Variants in GLIS3 observed in about 807,000 individuals in gnomAD.
The protein encoded by GLIS3 is GLIS family zinc finger 3.
A neutral mutation model predicts 78.6 loss-of-function variants in GLIS3; 53 were observed. The observed-to-expected ratio is 0.67, with a 90% CI of 0.54 to 0.85. The LOEUF (loss-of-function observed/expected upper bound fraction) is 0.85. Among genes scored for constraint, GLIS3 ranks in the 40% least tolerant of loss-of-function variants. The pLI is 0.00. For synonymous variants in GLIS3, 684 were observed against 509.9 expected, an observed-to-expected ratio of 1.34 and a Z score of -4.60; for missense variants, 1,703 against 1,231.1, an observed-to-expected ratio of 1.38 and a Z score of -5.74.
chr9:4,084,221 A>G (rs2130714543), intron 4 of GLIS3, among the ~76,000 whole-genome samples: 1 of 147,730 alleles, frequency 6.8e-6, no homozygotes, highest in South Asian at 2.1e-4. Flanking sequence ...TGATGCCAGC[A>G]ATGTGTAATC....
chr9:4,149,384 C>A (rs1834492040), intron 2 of GLIS3, among the ~76,000 whole-genome samples: 3 of 152,196 alleles, frequency 2.0e-5, no homozygotes, highest in Non-Finnish European at 4.4e-5. Context: ...AAAAAACACA[C>A]ACAGATGGCT....
intron 2 of GLIS3, among the ~76,000 whole-genome samples, chr9:4,269,491 T>C (rs1826313313): frequency 6.6e-6 from 1 of 152,244 alleles, no homozygotes; most frequent in African/African-American, 2.4e-5. Context: ...ATATCAGTTA[T>C]ATCGCTGAAA....
intron 4 of GLIS3, among the ~76,000 whole-genome samples, chr9:4,046,023 G>A (rs977597175): frequency 5.3e-5 from 8 of 152,300 alleles, no homozygotes; most frequent in Middle Eastern, 3.4e-3. Flanking sequence ...CCAGGAGGCA[G>A]CAAATTTTAA....
intron 2 of GLIS3, among the ~76,000 whole-genome samples, chr9:4,317,303 C>A (rs957828009): frequency 6.6e-6 from 1 of 152,212 alleles, no homozygotes; most frequent in Non-Finnish European, 1.5e-5. Context: ...CATGCACTGG[C>A]TTCTCAGTGA....
chr9:3,867,107 T>C (rs1358009176), intron 8 of GLIS3, among the ~76,000 whole-genome samples: 1 of 152,208 alleles, frequency 6.6e-6, no homozygotes, highest in African/African-American at 2.4e-5. Flanking sequence ...TTTTTAACAG[T>C]AAGTTGAAGA....
chr9:4,423,998 T>C, the GLIS3 span, among the ~76,000 whole-genome samples: 1 of 152,244 alleles, frequency 6.6e-6, no homozygotes, highest in African/African-American at 2.4e-5. Flanking sequence ...CTATCACACT[T>C]AACTTGAATG....
chr9:4,390,071 C>G, the GLIS3 span, among the ~76,000 whole-genome samples: 1 of 152,190 alleles, frequency 6.6e-6, no homozygotes, highest in Non-Finnish European at 1.5e-5. Context: ...TAAAAAATTT[C>G]TGGCAGAGGA....
At chr9:4,092,422 A>G (rs1051726032) in intron 4 of GLIS3, among the ~76,000 whole-genome samples, 1 of 152,004 alleles carries the variant, frequency 6.6e-6, no homozygotes, top group Non-Finnish European at 1.5e-5. Flanking sequence ...AATAAACTTT[A>G]TTTTTTGTTT....
At chr9:4,282,150 C>T (rs1258078253) in intron 2 of GLIS3, among the ~76,000 whole-genome samples, 2 of 152,166 alleles carry the variant, frequency 1.3e-5, no homozygotes, top group African/African-American at 2.4e-5. Context: ...CACAGCTCTA[C>T]GCTTCCCTAA....
chr9:4,170,971 A>T (rs187046734), intron 2 of GLIS3, among the ~76,000 whole-genome samples: 1 of 152,294 alleles, frequency 6.6e-6, no homozygotes, highest in East Asian at 1.9e-4. Flanking sequence ...ATATACTTAG[A>T]ACTGTGTCAT....
At chr9:3,994,011 A>T in intron 4 of GLIS3, among the ~76,000 whole-genome samples, 1 of 152,200 alleles carries the variant, frequency 6.6e-6, no homozygotes, top group East Asian at 1.9e-4. Flanking sequence ...AGAGCTTGTT[A>T]AAACACAGAT....
At chr9:4,207,761 C>T (rs955258095) in intron 2 of GLIS3, among the ~76,000 whole-genome samples, 3 of 152,188 alleles carry the variant, frequency 2.0e-5, no homozygotes, top group Admixed American at 6.5e-5. Flanking sequence ...GAACCCAGAA[C>T]AGGCAGCCTG....
intron 2 of GLIS3, among the ~76,000 whole-genome samples, chr9:4,136,908 C>T (rs1833446432): frequency 6.6e-6 from 1 of 152,162 alleles, no homozygotes; most frequent in East Asian, 1.9e-4. Context: ...TCCTAAGCTC[C>T]ACTGCAAACC....
At chr9:4,386,578 A>C in the GLIS3 span, 1 of 152,210 alleles carries the variant, frequency 6.6e-6, no homozygotes, top group Admixed American at 6.5e-5. Flanking sequence ...GGTTTTAATG[A>C]AAATGAAAGT....
intron 4 of GLIS3, among the ~76,000 whole-genome samples, chr9:3,965,797 C>G (rs1817896671): frequency 1.3e-5 from 2 of 152,188 alleles, no homozygotes; most frequent in African/African-American, 4.8e-5. Context: ...CCAACTCCTC[C>G]TCTCTCACTC....
intron 4 of GLIS3, among the ~76,000 whole-genome samples, chr9:4,074,951 C>T (rs763869227): frequency 6.6e-6 from 1 of 152,154 alleles, no homozygotes; most frequent in East Asian, 1.9e-4. Flanking sequence ...AAGAGACTTG[C>T]TCAAGGTCAC....
intron 1 of GLIS3, among the ~76,000 whole-genome samples, chr9:4,288,191 T>C (rs1828160052): frequency 6.6e-6 from 1 of 152,236 alleles, no homozygotes. Flanking sequence ...TGGTAGATCA[T>C]GAGCAACAGT....
chr9:4,051,399 C>T (rs1248786916), intron 4 of GLIS3, among the ~76,000 whole-genome samples: 3 of 152,266 alleles, frequency 2.0e-5, no homozygotes, highest in East Asian at 3.9e-4. Flanking sequence ...TTGCTATAGT[C>T]TCAACATTTT....
intron 2 of GLIS3, among the ~76,000 whole-genome samples, chr9:4,204,486 A>T (rs1243931032): frequency 1.3e-5 from 2 of 152,148 alleles, no homozygotes; most frequent in East Asian, 3.9e-4. Context: ...ATCCTAGGGA[A>T]ACCAATACTT....
Sources: allele counts gnomAD v4.1 joint callset (sites outside exome capture counted in the v4.1 genomes callset), GRCh38; gene constraint gnomAD v4.1.1; transcripts MANE v1.5; gene names NCBI Gene and HGNC (gene_info 2026-07-23, HGNC 2026-07-21).